GPA33: variants seen among roughly 807,000 people sequenced by gnomAD.
The protein encoded by GPA33 is cell surface A33 antigen.
In GPA33, 27 loss-of-function variants were observed where a neutral mutation model predicts 35.6. The observed-to-expected ratio is 0.76, with a 90% CI of 0.56 to 1.04. The LOEUF (loss-of-function observed/expected upper bound fraction) is 1.04, where lower values mean the gene tolerates loss of function less well. Among genes scored for constraint, GPA33 ranks in the 50% least tolerant of loss-of-function variants. The pLI is 0.00. For missense variants in GPA33, 428 were observed against 411.9 expected (o/e 1.04, Z -0.34); for synonymous variants, 176 against 164.0 (o/e 1.07, Z -0.56).
At chr1:167,064,471 T>C (rs1666545380) in intron 3 of GPA33, among the ~76,000 whole-genome samples, 1 of 152,146 alleles carries the variant, frequency 6.6e-6, no homozygotes, top group Admixed American at 6.5e-5. Context: ...ACTAATTCAT[T>C]TGTGCCATTT....
At chr1:167,068,630 G>A (rs1041476928) in intron 3 of GPA33, among the ~76,000 whole-genome samples, 2 of 152,214 alleles carry the variant, frequency 1.3e-5, no homozygotes, top group Non-Finnish European at 2.9e-5. Context: ...TGTAATAAGT[G>A]TGGTATGAAA....
intron 4 of GPA33, among the ~76,000 whole-genome samples, chr1:167,056,548 A>G (rs1219268892): frequency 5.8e-4 from 7 of 12,094 alleles, no homozygotes; most frequent in East Asian, 2.0e-3. Flanking sequence ...CTGTGAGAGT[A>G]GTGTGTGTAT....
intron 2 of GPA33, among the ~76,000 whole-genome samples, chr1:167,070,943 A>G (rs1295546316): frequency 6.6e-6 from 1 of 152,136 alleles, no homozygotes; most frequent in Non-Finnish European, 1.5e-5. Context: ...GGAATGTTTT[A>G]TGAATAAACA....
chr1:167,057,052 A>G (rs1666323099), intron 4 of GPA33, among the ~76,000 whole-genome samples: 1 of 150,070 alleles, frequency 6.7e-6, no homozygotes, highest in Non-Finnish European at 1.5e-5. Flanking sequence ...TGTGTGTGGT[A>G]TGGGGGGTGG....
rs1666176290 is a variant in GPA33 at position 167,054,124 on chromosome 1, CT to C, written c.*209del. ...CAGGTGTCACAGCCAGGAGGGGTTA[CT>C]TCACAGGACAGTGAGGTCAGCAGGA... On this transcript the variant is annotated 3_prime_UTR_variant, in exon 7 of 7. Transcript: ENST00000367868. 1 of 617,408 alleles carries C rather than the reference CT, an allele frequency of 1.6e-6. No individual in the cohort carries two copies. The highest frequency in any genetic ancestry group is 2.8e-6 in the Non-Finnish European group (1 of 359,138). 38.2% of individuals were successfully genotyped at this position (617,408 alleles called of 1,614,324 possible). A position where few individuals can be genotyped will look rare whatever the true frequency, so the allele number is the denominator to read the frequency against.
intron 6 of GPA33, 93 bp downstream of exon 6, chr1:167,054,883 G>A (rs1311007594): frequency 7.1e-7 from 1 of 1,409,842 alleles, no homozygotes; most frequent in African/African-American, 1.4e-5. Context: ...ATACCCCAAG[G>A]GGTGCTGCAA....
At chr1:167,062,440 T>C (rs1666477940) in intron 4 of GPA33, among the ~76,000 whole-genome samples, 1 of 151,686 alleles carries the variant, frequency 6.6e-6, no homozygotes, top group Non-Finnish European at 1.5e-5. Flanking sequence ...AGACTGGTCT[T>C]GAACTCCTAG....
chr1:167,055,036 A>G lies in GPA33; in HGVS notation c.767T>C (p.Ile256Thr), dbSNP rs1666208529. Residue 256 changes from isoleucine to threonine, a missense_variant, in exon 6 of 7, where the codon ATC becomes ACC. Transcript: ENST00000367868. The stretch of plus-strand genomic sequence containing the variant: ...CTTCCCTCGGCAGCAGCAGCAGTAG[A>G]TGATGATGCCAATGATAATGAGGGC... ...VAALIIIGIIIYCCCCRGKDD... is the reference protein window; with the variant it reads ...VAALIIIGIITYCCCCRGKDD... 9.9e-6 allele frequency: 16 copies of G among 1,613,836 alleles called. No homozygotes were observed. Among genetic ancestry groups the G allele is most frequent in the Non-Finnish European group, 1.4e-5 (16 of 1,179,868 alleles).
intron 1 of GPA33, among the ~76,000 whole-genome samples, chr1:167,087,677 G>A (rs867084525): frequency 1.3e-5 from 2 of 152,286 alleles, no homozygotes; most frequent in Non-Finnish European, 2.9e-5. Flanking sequence ...AGCACTTTGG[G>A]AGGCTGAGGC....
Position 167,054,250 on chromosome 1 carries a change from C to T in GPA33, c.*84G>A, listed in dbSNP as rs1666180640. 10 of 1,528,714 alleles carry T rather than the reference C, an allele frequency of 6.5e-6. No homozygotes were observed. Among genetic ancestry groups the T allele is most frequent in the Non-Finnish European group, 8.9e-6 (10 of 1,118,168 alleles). 94.7% of individuals were successfully genotyped at this position (1,528,714 alleles called of 1,614,324 possible). A position where few individuals can be genotyped will look rare whatever the true frequency, so the allele number is the denominator to read the frequency against. On this transcript the variant is annotated 3_prime_UTR_variant, in exon 7 of 7. Coordinates refer to ENST00000367868, the MANE Select transcript of GPA33 (RefSeq NM_005814.3). Reference sequence around the variant, plus strand: ...TGTCTGGGATGGAGGGACAGGAGAACAGGGCTTAGAAAGGAGAAGGGAGGC... The same window carrying T: ...TGTCTGGGATGGAGGGACAGGAGAATAGGGCTTAGAAAGGAGAAGGGAGGC...
chr1:167,071,594 C>A (rs897221060), intron 2 of GPA33, among the ~76,000 whole-genome samples: 1 of 152,144 alleles, frequency 6.6e-6, no homozygotes, highest in African/African-American at 2.4e-5. Flanking sequence ...AGCTGACAAG[C>A]GAGGGAGAAA....
intron 4 of GPA33, among the ~76,000 whole-genome samples, chr1:167,056,727 G>GT (rs1558001944): frequency 7.7e-3 from 83 of 10,762 alleles, no homozygotes; most frequent in Admixed American, 8.3e-3. Flanking sequence ...TGTAGTGTGT[G>GT]ATGTATGTGG....
At chr1:167,085,104 G>A (rs1431685334) in intron 1 of GPA33, among the ~76,000 whole-genome samples, 1 of 152,218 alleles carries the variant, frequency 6.6e-6, no homozygotes, top group African/African-American at 2.4e-5. Flanking sequence ...TGTTGGGTTT[G>A]AAGACAGAAA....
chr1:167,073,945 T>C (rs1363768876), intron 1 of GPA33, among the ~76,000 whole-genome samples: 1 of 152,214 alleles, frequency 6.6e-6, no homozygotes, highest in East Asian at 1.9e-4. Flanking sequence ...TAGAAAACTC[T>C]CAATAAACAT....
At chr1:167,071,108 A>G (rs1459400277) in intron 2 of GPA33, among the ~76,000 whole-genome samples, 3 of 152,124 alleles carry the variant, frequency 2.0e-5, no homozygotes, top group African/African-American at 7.2e-5. Flanking sequence ...CATGGGCTAG[A>G]TGAAGCCACC....
intron 4 of GPA33, 93 bp downstream of exon 4, chr1:167,063,489 C>G: frequency 2.6e-6 from 3 of 1,141,558 alleles, no homozygotes; most frequent in South Asian, 1.5e-5. Context: ...TCAGGGGGAT[C>G]TGATCGGTCA....
chr1:167,087,278 G>T (rs538957800), intron 1 of GPA33, among the ~76,000 whole-genome samples: 1 of 152,138 alleles, frequency 6.6e-6, no homozygotes, highest in South Asian at 2.1e-4. Flanking sequence ...TTCCCCCACA[G>T]TAATAATAAT....
At chr1:167,079,470 C>A (rs1439119523) in intron 1 of GPA33, among the ~76,000 whole-genome samples, 2 of 141,610 alleles carry the variant, frequency 1.4e-5, no homozygotes, top group Admixed American at 7.5e-5. Flanking sequence ...GGCGACAGAG[C>A]GAGACTCCGT....
chr1:167,077,107 G>A (rs147505112), intron 1 of GPA33, among the ~76,000 whole-genome samples: 1,854 of 152,176 alleles, frequency 0.012, 46 homozygotes, highest in African/African-American at 0.043. Context: ...TCAGGAGGCT[G>A]AGGCAGGAGA....
Sources: allele counts gnomAD v4.1 joint callset (sites outside exome capture counted in the v4.1 genomes callset), GRCh38; gene constraint gnomAD v4.1.1; transcripts MANE v1.5; gene names NCBI Gene and HGNC (gene_info 2026-07-23, HGNC 2026-07-21).